The following TAF4B variants were observed in gnomAD, a reference collection of about 807,000 sequenced individuals.
TAF4B encodes the protein transcription initiation factor TFIID subunit 4B.
A neutral mutation model predicts 86.4 loss-of-function variants in TAF4B; 38 were observed. The observed-to-expected ratio is 0.44, with a 90% CI of 0.34 to 0.58. TAF4B has a LOEUF of 0.58. Ranked by LOEUF, TAF4B falls within the 20% of genes least tolerant of loss-of-function variation. The pLI is 0.02. For missense variants in TAF4B, 988 were observed against 1,027.6 expected (o/e 0.96, Z 0.53); for synonymous variants, 388 against 391.2 (o/e 0.99, Z 0.10).
intron 12 of TAF4B, among the ~76,000 whole-genome samples, chr18:26,331,222 G>T (rs12456763): frequency 0.13 from 16,909 of 131,966 alleles, 971 homozygotes; most frequent in East Asian, 0.23. Flanking sequence ...GTGGTTTATT[G>T]GTATTTTATT....
Position 26,226,850 on chromosome 18 carries a change from C to A in TAF4B, c.-84C>A. 1 of 1,149,136 alleles carries A rather than the reference C, an allele frequency of 8.7e-7. No individual in the cohort carries two copies. Among genetic ancestry groups the A allele is most frequent in the Non-Finnish European group, 1.1e-6 (1 of 885,442 alleles). The allele number at this position is 1,149,136 out of a possible 1,614,324, so 71.2% of individuals were successfully genotyped here. A position where few individuals can be genotyped will look rare whatever the true frequency, so the allele number is the denominator to read the frequency against. Reference sequence around the variant, plus strand: ...CGATGCTGTGGAACCCGAACCGCACCGGAGTCGGCTGCCGCGCGCCAAGCC... The same window carrying A: ...CGATGCTGTGGAACCCGAACCGCACAGGAGTCGGCTGCCGCGCGCCAAGCC... On this transcript the variant is annotated 5_prime_UTR_variant, in exon 1 of 15. Transcript: ENST00000269142.
At chr18:26,381,410 A>G (rs926952669) in intron 14 of TAF4B, among the ~76,000 whole-genome samples, 9 of 151,876 alleles carry the variant, frequency 5.9e-5, no homozygotes, top group Admixed American at 2.0e-4. Context: ...ACCACTTCAC[A>G]CAAAATGGAA....
At chr18:26,267,711 C>G in intron 3 of TAF4B, 88 bp downstream of exon 3, 1 of 897,526 alleles carries the variant, frequency 1.1e-6, no homozygotes. Flanking sequence ...ATGTAAGTTA[C>G]TGTGTGACAT....
chr18:26,245,772 C>T (rs1598719777), intron 1 of TAF4B, among the ~76,000 whole-genome samples: 1 of 152,138 alleles, frequency 6.6e-6, no homozygotes, highest in Non-Finnish European at 1.5e-5. Flanking sequence ...CGCACTCGAC[C>T]CAGGAAGTCC....
chr18:26,269,222 C>CATAA (rs748809665), intron 3 of TAF4B, among the ~76,000 whole-genome samples: 1 of 151,936 alleles, frequency 6.6e-6, no homozygotes. Flanking sequence ...ACAAAGTCCT[C>CATAA]CAGTGAGTGT....
intron 1 of TAF4B, among the ~76,000 whole-genome samples, chr18:26,242,261 G>C (rs1443932856): frequency 6.6e-6 from 1 of 152,120 alleles, no homozygotes; most frequent in Non-Finnish European, 1.5e-5. Flanking sequence ...TTATGAATCT[G>C]GGTGCTCCTG....
chr18:26,351,280 A>G (rs1242996526), intron 13 of TAF4B, among the ~76,000 whole-genome samples: 1 of 152,162 alleles, frequency 6.6e-6, no homozygotes, highest in African/African-American at 2.4e-5. Context: ...AAAGTTAAAC[A>G]CTGTTTTCAC....
At chr18:26,257,855 G>A (rs1183474765) in intron 1 of TAF4B, among the ~76,000 whole-genome samples, 4 of 82,908 alleles carry the variant, frequency 4.8e-5, no homozygotes, top group Non-Finnish European at 8.8e-5. Flanking sequence ...GTGTGTGTGT[G>A]TGTGTGTGTG....
intron 9 of TAF4B, among the ~76,000 whole-genome samples, chr18:26,303,971 T>A (rs2056768432): frequency 6.6e-6 from 1 of 152,178 alleles, no homozygotes; most frequent in Middle Eastern, 3.2e-3. Context: ...CTGTTAGATT[T>A]ATTCCTAGAT....
At chr18:26,288,043 T>A (rs2144601457) in intron 7 of TAF4B, among the ~76,000 whole-genome samples, 1 of 152,298 alleles carries the variant, frequency 6.6e-6, no homozygotes, top group South Asian at 2.1e-4. Context: ...TTCTTAAACA[T>A]TGTTCTGGGC....
intron 9 of TAF4B, among the ~76,000 whole-genome samples, chr18:26,295,486 C>G (rs1338202139): frequency 6.6e-6 from 1 of 152,206 alleles, no homozygotes; most frequent in Non-Finnish European, 1.5e-5. Flanking sequence ...CTCATTTGTG[C>G]AGTTCACAGT....
intron 14 of TAF4B, among the ~76,000 whole-genome samples, chr18:26,364,981 G>A (rs1031696899): frequency 2.0e-5 from 3 of 148,858 alleles, no homozygotes; most frequent in East Asian, 2.0e-4. Context: ...GCAGGTTAAA[G>A]TGCTACTCTA....
Position 26,345,212 on chromosome 18 carries a change from C to T in TAF4B, c.2316+9981C>T, listed in dbSNP as rs557560150. Among the ~76,000 whole-genome samples the T allele has an allele frequency of 2.4e-3, 361 of 152,328 alleles. 1 individual carries two copies. Among genetic ancestry groups the T allele is most frequent in the Non-Finnish European group, 3.7e-3 (252 of 68,040 alleles). ...CACAATCAGGGTCTGAAAAGCCGCT[C>T]CACTGGCAGCCACACTCCAAGGCCT... On this transcript the variant is annotated intron_variant, in intron 13 of 14. Transcript: ENST00000269142.
intron 14 of TAF4B, among the ~76,000 whole-genome samples, chr18:26,358,961 C>A (rs1051297813): frequency 1.3e-5 from 2 of 152,114 alleles, no homozygotes; most frequent in Non-Finnish European, 2.9e-5. Context: ...AATTCTAGTT[C>A]TTTTTCATTT....
chr18:26,265,124 G>A, intron 1 of TAF4B, 46 bp from the exon 2 acceptor site: 2 of 1,578,640 alleles, frequency 1.3e-6, no homozygotes, highest in Non-Finnish European at 1.7e-6. Flanking sequence ...TGGTTATGCT[G>A]TATTTAGTGG....
At chr18:26,336,062 C>G (rs1568159689) in intron 13 of TAF4B, among the ~76,000 whole-genome samples, 1 of 152,016 alleles carries the variant, frequency 6.6e-6, no homozygotes, top group South Asian at 2.1e-4. Flanking sequence ...TTCACTTGAC[C>G]TACAGATTCT....
At chr18:26,239,291 G>A (rs1448968752) in intron 1 of TAF4B, among the ~76,000 whole-genome samples, 2 of 152,134 alleles carry the variant, frequency 1.3e-5, no homozygotes, top group Non-Finnish European at 2.9e-5. Flanking sequence ...TCTAACTGGT[G>A]TGAGATGGTA....
intron 13 of TAF4B, 27 bp from the exon 14 acceptor site, chr18:26,357,663 T>A: frequency 6.6e-7 from 1 of 1,513,178 alleles, no homozygotes. Context: ...TGTATAAACA[T>A]TGATATTTTT....
intron 14 of TAF4B, among the ~76,000 whole-genome samples, chr18:26,359,350 G>A (rs1418923522): frequency 6.6e-6 from 1 of 152,140 alleles, no homozygotes; most frequent in Non-Finnish European, 1.5e-5. Flanking sequence ...CTTGTACAAT[G>A]TAAGTACAGG....
Sources: gnomAD v4.1 joint callset for allele counts (sites outside exome capture counted in the v4.1 genomes callset) on GRCh38, gnomAD v4.1.1 for gene constraint, MANE v1.5 for transcripts, NCBI Gene and HGNC (gene_info 2026-07-23, HGNC 2026-07-21) for gene names.